Variants in LRRC7 observed in about 807,000 individuals in gnomAD.
The protein encoded by LRRC7 is leucine-rich repeat-containing protein 7.
LRRC7 carries 23 observed loss-of-function variants against 175.7 expected under a neutral mutation model. The observed-to-expected ratio is 0.13, with a 90% CI of 0.09 to 0.19. The LOEUF is 0.19. LRRC7 is among the 10% of genes least tolerant of loss of function. The pLI is 1.00. For missense variants in LRRC7, 1,354 were observed against 1,904.7 expected (o/e 0.71, Z 5.38); for synonymous variants, 685 against 680.9 (o/e 1.01, Z -0.09).
intron 26 of LRRC7, among the ~76,000 whole-genome samples, chr1:70,114,557 A>G (rs1006084702): frequency 3.3e-5 from 5 of 152,118 alleles, no homozygotes; most frequent in African/African-American, 1.2e-4. Context: ...GCGTGATGGC[A>G]CACATGTGTA....
intron 24 of LRRC7, among the ~76,000 whole-genome samples, chr1:70,083,595 T>C (rs1663382227): frequency 6.6e-6 from 1 of 152,168 alleles, no homozygotes; most frequent in African/African-American, 2.4e-5. Context: ...CCTTCGTCTC[T>C]CTCCTTCACT....
intron 23 of LRRC7, among the ~76,000 whole-genome samples, chr1:70,061,595 A>G (rs987511937): frequency 6.6e-6 from 1 of 152,194 alleles, no homozygotes; most frequent in Non-Finnish European, 1.5e-5. Context: ...AATTTAAAAA[A>G]TGTTTGGCAC....
chr1:69,702,798 T>A (rs1663534194), intron 2 of LRRC7, among the ~76,000 whole-genome samples: 1 of 152,078 alleles, frequency 6.6e-6, no homozygotes, highest in African/African-American at 2.4e-5. Context: ...ATGAATATAT[T>A]TGATGAGATG....
chr1:69,923,159 A>G (rs975167433), intron 7 of LRRC7, among the ~76,000 whole-genome samples: 7 of 152,104 alleles, frequency 4.6e-5, no homozygotes, highest in African/African-American at 1.7e-4. Flanking sequence ...TTCATTTTTT[A>G]TGGCTGCATA....
rs570626519 is a variant in LRRC7, at chr1:70,131,445, A to G, written c.*9558A>G. ...TAGCTTTCTCACAAAACTATTTCCCATGTCTTTCTATTTGGGTTTCATAGC... is the reference window on the plus strand; with the variant it reads ...TAGCTTTCTCACAAAACTATTTCCCGTGTCTTTCTATTTGGGTTTCATAGC... On this transcript the variant is annotated 3_prime_UTR_variant, in exon 27 of 27. Transcript: ENST00000651989. 1.4e-4 allele frequency among the ~76,000 whole-genome samples: 22 copies of G among 152,268 alleles called. No individual in the cohort carries two copies. The highest frequency in any genetic ancestry group is 4.8e-4 in the African/African-American group (20 of 41,550).
In LRRC7 at chr1:70,133,515, AT is replaced by A. The variant is rs1250588567; in HGVS notation, c.*11629del. ...GGATGGCCTTACACAGTCTGTTTTT[AT>A]GCCCCTTGTGCTGATACAATTGCTA... On this transcript the variant is annotated 3_prime_UTR_variant, in exon 27 of 27. Transcript: ENST00000651989. Among the ~76,000 whole-genome samples, 1 of 152,072 alleles carries A rather than the reference AT, an allele frequency of 6.6e-6. No individual in the cohort carries two copies. The highest frequency in any genetic ancestry group is 1.5e-5 in the Non-Finnish European group (1 of 67,992).
At chr1:69,658,780 C>T (rs576470762) in intron 1 of LRRC7, among the ~76,000 whole-genome samples, 1 of 152,090 alleles carries the variant, frequency 6.6e-6, no homozygotes, top group East Asian at 1.9e-4. Context: ...ATACTAGAAC[C>T]TTCTAAAGTG....
At chr1:69,597,251 G>C (rs1275535427) in intron 1 of LRRC7, among the ~76,000 whole-genome samples, 1 of 152,040 alleles carries the variant, frequency 6.6e-6, no homozygotes, top group East Asian at 1.9e-4. Flanking sequence ...TAAAAGACAG[G>C]GGTTAGATAG....
chr1:69,894,009 G>T (rs1645910909), intron 7 of LRRC7, among the ~76,000 whole-genome samples: 2 of 152,158 alleles, frequency 1.3e-5, no homozygotes, highest in African/African-American at 2.4e-5. Context: ...ATAGAGCAGA[G>T]CCTATTCAAG....
At chr1:70,036,027 A>G (rs189459451) in intron 18 of LRRC7, 94 bp from the exon 19 acceptor site, 37 of 898,326 alleles carry the variant, frequency 4.1e-5, no homozygotes, top group Middle Eastern at 5.0e-4. Context: ...CTAGAGTCAC[A>G]TTTTTTAATC....
chr1:70,097,551 G>A (rs1177319449), intron 25 of LRRC7, among the ~76,000 whole-genome samples: 3 of 151,118 alleles, frequency 2.0e-5, no homozygotes, highest in African/African-American at 2.4e-5. Context: ...ATGCTGGTGC[G>A]CTGCACCCAC....
At chr1:70,065,715 A>G (rs1372712692) in intron 23 of LRRC7, among the ~76,000 whole-genome samples, 1 of 151,998 alleles carries the variant, frequency 6.6e-6, no homozygotes, top group Non-Finnish European at 1.5e-5. Context: ...AACCTAAAAT[A>G]TTAGTCATGT....
chr1:69,672,970 T>C (rs1659294175), intron 1 of LRRC7, among the ~76,000 whole-genome samples: 1 of 152,236 alleles, frequency 6.6e-6, no homozygotes, highest in Admixed American at 6.5e-5. Flanking sequence ...TGATAATTTC[T>C]ATTCTAACTG....
intron 2 of LRRC7, among the ~76,000 whole-genome samples, chr1:69,715,617 C>A (rs941194955): frequency 2.0e-5 from 3 of 151,814 alleles, no homozygotes; most frequent in Non-Finnish European, 4.4e-5. Context: ...TAACCAATGT[C>A]AAAGCATTTA....
chr1:69,958,928 C>T (rs1650770947), intron 8 of LRRC7, among the ~76,000 whole-genome samples: 1 of 151,906 alleles, frequency 6.6e-6, no homozygotes, highest in Non-Finnish European at 1.5e-5. Context: ...AGGCTGAAGC[C>T]CAAGCTTTAT....
At chr1:69,612,107 T>C (rs945846794) in intron 1 of LRRC7, among the ~76,000 whole-genome samples, 4 of 152,064 alleles carry the variant, frequency 2.6e-5, no homozygotes, top group Non-Finnish European at 5.9e-5. Flanking sequence ...TTAGAATAAT[T>C]CCTATGCTAC....
chr1:69,923,031 T>C (rs990731229), intron 7 of LRRC7, among the ~76,000 whole-genome samples: 6 of 152,086 alleles, frequency 3.9e-5, no homozygotes, highest in African/African-American at 1.4e-4. Context: ...TGTGCTCTCA[T>C]TGTTCACTTC....
chr1:69,989,981 T>C (rs1012896472), intron 10 of LRRC7, among the ~76,000 whole-genome samples: 1 of 152,102 alleles, frequency 6.6e-6, no homozygotes, highest in Admixed American at 6.5e-5. Flanking sequence ...ATCTTCAAAG[T>C]ACTGAAGGTT....
At chr1:69,701,935 G>A (rs938410470) in intron 2 of LRRC7, among the ~76,000 whole-genome samples, 2 of 152,176 alleles carry the variant, frequency 1.3e-5, no homozygotes, top group African/African-American at 4.8e-5. Flanking sequence ...AAATGCTTGA[G>A]CTGATGATGT....
Sources: gnomAD v4.1 joint callset for allele counts (sites outside exome capture counted in the v4.1 genomes callset) on GRCh38, gnomAD v4.1.1 for gene constraint, MANE v1.5 for transcripts, NCBI Gene and HGNC (gene_info 2026-07-23, HGNC 2026-07-21) for gene names.